Variants in NBEA observed in about 807,000 individuals in gnomAD.
NBEA encodes neurobeachin.
Under a neutral mutation model 343.4 loss-of-function variants are expected in NBEA, and 44 were observed. The observed-to-expected ratio is 0.13, with a 90% CI of 0.10 to 0.16. NBEA has a LOEUF of 0.16. Ranked by LOEUF, NBEA falls within the 10% of genes least tolerant of loss-of-function variation. The pLI, the probability that NBEA is intolerant of heterozygous loss-of-function variation, is 1.00. For synonymous variants in NBEA, 1,175 were observed against 1,238.7 expected (o/e 0.95, Z 1.08); for missense variants, 2,555 against 3,631.3 (o/e 0.70, Z 7.62).
At chr13:35,404,868 A>G (rs2043193572) in intron 38 of NBEA, among the ~76,000 whole-genome samples, 1 of 152,184 alleles carries the variant, frequency 6.6e-6, no homozygotes, top group Admixed American at 6.6e-5. Flanking sequence ...GAAACATAGC[A>G]AAGAAGAATA....
intron 36 of NBEA, among the ~76,000 whole-genome samples, chr13:35,323,560 T>C (rs1198353777): frequency 9.7e-6 from 1 of 103,382 alleles, no homozygotes; most frequent in African/African-American, 3.8e-5. Flanking sequence ...CTCTGGGGCC[T>C]GTTGTGGGGT....
intron 10 of NBEA, among the ~76,000 whole-genome samples, chr13:35,071,171 T>G (rs1227617195): frequency 6.6e-6 from 1 of 152,028 alleles, no homozygotes; most frequent in Non-Finnish European, 1.5e-5. Flanking sequence ...TACTCATGGT[T>G]TGAATTGACC....
intron 13 of NBEA, among the ~76,000 whole-genome samples, chr13:35,117,133 G>C (rs2066536049): frequency 1.3e-5 from 2 of 151,416 alleles, no homozygotes; most frequent in Non-Finnish European, 3.0e-5. Flanking sequence ...TAAATACTTG[G>C]GGATTATACA....
intron 38 of NBEA, among the ~76,000 whole-genome samples, chr13:35,364,707 A>G (rs909434296): frequency 2.0e-5 from 3 of 151,878 alleles, no homozygotes; most frequent in Admixed American, 6.6e-5. Context: ...CCCAAGATAA[A>G]TCCAGGAAAG....
At chr13:35,301,734 T>C (rs927134728) in intron 35 of NBEA, among the ~76,000 whole-genome samples, 1 of 152,142 alleles carries the variant, frequency 6.6e-6, no homozygotes, top group Non-Finnish European at 1.5e-5. Context: ...AAATGGTATT[T>C]CTGGTTCTAG....
In NBEA at chr13:35,155,813, C is replaced by A. The variant is rs1484498616; in HGVS notation, c.2485C>A (p.Pro829Thr). The change falls in exon 19 of 59, where the codon CCA (proline) becomes ACA (threonine). Residue 829 changes from proline (P) to threonine (T), a missense_variant. By Grantham distance (38) the Pro-to-Thr change is conservative. Around this residue, in one of 21 missense-constraint regions of NBEA, gnomAD observed 360 missense variants for 519.1 expected, o/e 0.69. Coordinates refer to ENST00000379939, the MANE Select transcript of NBEA (RefSeq NM_001385012.1). ...AGTATGTACTCAGGTCGTACACAAA[C>A]CACATCCAGAGCCAGATTCTACAGT... ...EQVCTQVVHK[P>T]HPEPDSTVKI... 1.2e-6 allele frequency: 2 copies of A among 1,612,690 alleles called. No homozygotes were observed. The highest frequency in any genetic ancestry group is 1.7e-5 in the Admixed American group (1 of 60,008).
In NBEA at chr13:35,604,044, C is replaced by A. The variant is rs9574225; in HGVS notation, c.7297-2382C>A. On this transcript the variant is annotated intron_variant, in intron 47 of 58. Transcript: ENST00000379939. ...TGAGAACAGCAGTGATTCTTTACTT[C>A]TACTCTCCTGTCAGCGATCAAACCA... Among the ~76,000 whole-genome samples, 9 of 152,274 alleles carry A rather than the reference C, an allele frequency of 5.9e-5. No homozygotes were observed. The South Asian group carries it at 1.9e-3, about 32-fold the overall frequency.
intron 36 of NBEA, among the ~76,000 whole-genome samples, chr13:35,343,800 T>G (rs1249910432): frequency 6.6e-6 from 1 of 152,090 alleles, no homozygotes; most frequent in Non-Finnish European, 1.5e-5. Flanking sequence ...GATGGGAACA[T>G]TTAGTCACAG....
chr13:35,342,016 G>T (rs2039613408), intron 36 of NBEA, among the ~76,000 whole-genome samples: 1 of 151,984 alleles, frequency 6.6e-6, no homozygotes, highest in Non-Finnish European at 1.5e-5. Context: ...TGCATAAAAT[G>T]GGATATTGTT....
intron 30 of NBEA, among the ~76,000 whole-genome samples, chr13:35,194,796 A>T (rs974485808): frequency 6.6e-6 from 1 of 152,068 alleles, no homozygotes; most frequent in Non-Finnish European, 1.5e-5. Flanking sequence ...GAAATTTAAC[A>T]TTTTAAAGAT....
intron 45 of NBEA, among the ~76,000 whole-genome samples, chr13:35,575,185 T>TTA (rs1473781892): frequency 6.6e-6 from 1 of 152,222 alleles, no homozygotes; most frequent in East Asian, 1.9e-4. Flanking sequence ...TTCTCTTTAT[T>TTA]ATCGTTTCAT....
intron 38 of NBEA, among the ~76,000 whole-genome samples, chr13:35,422,786 T>G (rs995469781): frequency 6.6e-6 from 1 of 152,208 alleles, no homozygotes; most frequent in African/African-American, 2.4e-5. Context: ...TGTTCCTATT[T>G]CTCCACATCC....
intron 38 of NBEA, among the ~76,000 whole-genome samples, chr13:35,380,486 A>G (rs1472486784): frequency 6.6e-6 from 1 of 152,046 alleles, no homozygotes; most frequent in Non-Finnish European, 1.5e-5. Flanking sequence ...TGTAGTTTTC[A>G]GTGTGGAGGT....
chr13:35,272,745 C>A (rs1295031161), intron 34 of NBEA, among the ~76,000 whole-genome samples: 2 of 151,972 alleles, frequency 1.3e-5, no homozygotes, highest in African/African-American at 4.8e-5. Context: ...CAACAAAGAT[C>A]AAAAGAAACA....
chr13:35,532,290 A>G (rs1416664585), intron 41 of NBEA, among the ~76,000 whole-genome samples: 4 of 152,172 alleles, frequency 2.6e-5, no homozygotes, highest in Non-Finnish European at 5.9e-5. Context: ...CATGAAAAGT[A>G]CCTTTCAGGG....
intron 36 of NBEA, among the ~76,000 whole-genome samples, chr13:35,348,538 T>C (rs965230342): frequency 2.6e-5 from 4 of 152,092 alleles, no homozygotes; most frequent in African/African-American, 9.7e-5. Context: ...GGTTGAACTT[T>C]AACTGTAGTT....
At chr13:35,317,891 GCTCT>G (rs2037856116) in intron 36 of NBEA, among the ~76,000 whole-genome samples, 1 of 152,124 alleles carries the variant, frequency 6.6e-6, no homozygotes, top group Admixed American at 6.5e-5. Flanking sequence ...TCATGATTTG[GCTCT>G]CTGTTTGTCT....
intron 41 of NBEA, among the ~76,000 whole-genome samples, chr13:35,544,549 C>T (rs2078981788): frequency 6.6e-6 from 1 of 152,144 alleles, no homozygotes; most frequent in Non-Finnish European, 1.5e-5. Flanking sequence ...GTGGTAAGCA[C>T]ATATTTGAGT....
chr13:35,180,527 G>GT (rs1413489289), intron 28 of NBEA, among the ~76,000 whole-genome samples: 2 of 151,424 alleles, frequency 1.3e-5, no homozygotes, highest in African/African-American at 2.4e-5. Context: ...GCCTTGGCCA[G>GT]TTTTTTTCAA....
Sources: allele counts gnomAD v4.1 joint callset (sites outside exome capture counted in the v4.1 genomes callset), GRCh38; gene constraint gnomAD v4.1.1; regional missense constraint gnomAD v4.1.1; transcripts MANE v1.5; gene names NCBI Gene and HGNC (gene_info 2026-07-23, HGNC 2026-07-21).